RBFOX1: variants seen among roughly 807,000 people sequenced by gnomAD.
RBFOX1 encodes the protein RNA binding fox-1 homolog 1, also known as RNA binding protein fox-1 homolog 1.
Under a neutral mutation model 57.7 loss-of-function variants are expected in RBFOX1, and 8 were observed. That is an observed-to-expected ratio of 0.14 (90% CI 0.08 to 0.25). The LOEUF (loss-of-function observed/expected upper bound fraction) is 0.25. Among genes scored for constraint, RBFOX1 ranks in the 10% least tolerant of loss-of-function variants. The pLI, the probability that RBFOX1 is intolerant of heterozygous loss-of-function variation, is 1.00. For synonymous variants in RBFOX1, 326 were observed against 222.4 expected, an observed-to-expected ratio of 1.47 and a Z score of -4.15; for missense variants, 611 against 548.5, an observed-to-expected ratio of 1.11 and a Z score of -1.14.
At chr16:7,271,210 C>A (rs1230093981) in intron 4 of RBFOX1, among the ~76,000 whole-genome samples, 2 of 152,118 alleles carry the variant, frequency 1.3e-5, no homozygotes, top group African/African-American at 4.8e-5. Flanking sequence ...CTTGAGCATT[C>A]TGTCCCATGC....
intron 2 of RBFOX1, among the ~76,000 whole-genome samples, chr16:5,522,172 T>A (rs1344059653): frequency 6.6e-6 from 1 of 152,232 alleles, no homozygotes; most frequent in African/African-American, 2.4e-5. Flanking sequence ...TTTGAAGGGT[T>A]AAACCCATGG....
At chr16:6,568,525 G>T (rs1468074631) in intron 2 of RBFOX1, among the ~76,000 whole-genome samples, 1 of 152,126 alleles carries the variant, frequency 6.6e-6, no homozygotes, top group African/African-American at 2.4e-5. Flanking sequence ...CATCACTTCT[G>T]CCATGTTCCA....
At chr16:5,459,412 C>T (rs754485987) in intron 1 of RBFOX1, among the ~76,000 whole-genome samples, 1 of 152,120 alleles carries the variant, frequency 6.6e-6, no homozygotes, top group Non-Finnish European at 1.5e-5. Flanking sequence ...ACCCTTAGCA[C>T]TTTGCTAAAC....
chr16:5,245,721 C>A (rs1431517910), intron 1 of RBFOX1, among the ~76,000 whole-genome samples: 2 of 152,302 alleles, frequency 1.3e-5, no homozygotes, highest in East Asian at 3.9e-4. Flanking sequence ...CATGAGCCAC[C>A]ATGCCTGACC....
chr16:7,225,397 C>T (rs10852680), intron 4 of RBFOX1, among the ~76,000 whole-genome samples: 115,646 of 151,988 alleles, frequency 0.76, 44,742 homozygotes, highest in East Asian at 0.97. Flanking sequence ...GGGTTTCCCT[C>T]TACGGTTGGT....
intron 2 of RBFOX1, among the ~76,000 whole-genome samples, chr16:6,358,724 T>C (rs2087844483): frequency 6.6e-6 from 1 of 152,202 alleles, no homozygotes; most frequent in South Asian, 2.1e-4. Context: ...GAGGTGAAGC[T>C]GGAGTTTGGA....
At position 6,606,749 on chromosome 16, in the gene RBFOX1, G is replaced by A. The variant is rs145159757; in HGVS notation, c.-63-47854G>A. The stretch of plus-strand genomic sequence containing the variant: ...ATATGTACCACGTTTTCTTTATCTG[G>A]TCTATCATTGATGGGCATTTTGGTT... On this transcript the variant is annotated intron_variant, in intron 2 of 15. Transcript: ENST00000550418. 7.2e-4 allele frequency among the ~76,000 whole-genome samples: 110 copies of A among 152,146 alleles called. 1 individual carries two copies. The highest frequency in any genetic ancestry group is 2.5e-3 in the African/African-American group (102 of 41,488).
At chr16:5,598,981 T>C (rs1448736515) in exon 3 of RBFOX1, 11 of 1,515,128 alleles carry the variant, frequency 7.3e-6, no homozygotes, top group South Asian at 3.6e-5. Context: ...AGCATTTTGC[T>C]GAACAGATTA....
intron 3 of RBFOX1, among the ~76,000 whole-genome samples, chr16:5,774,534 C>T (rs879478060): frequency 2.0e-5 from 3 of 152,184 alleles, no homozygotes; most frequent in Non-Finnish European, 4.4e-5. Flanking sequence ...CTTCCTTCCA[C>T]ATATCCTAGT....
At chr16:6,143,767 C>T (rs2096736653) in intron 1 of RBFOX1, among the ~76,000 whole-genome samples, 1 of 151,912 alleles carries the variant, frequency 6.6e-6, no homozygotes, top group South Asian at 2.1e-4. Flanking sequence ...ACCTGTGCAC[C>T]TGATACTTTT....
In RBFOX1 at chr16:6,895,486, A is replaced by ATG. The variant is rs1231560510; in HGVS notation, c.-15-156570_-15-156569insGT. 6.3e-3 allele frequency among the ~76,000 whole-genome samples: 580 copies of ATG among 91,950 alleles called. 18 individuals carry two copies. Among genetic ancestry groups the ATG allele is most frequent in the East Asian group, 0.032 (83 of 2,582 alleles). 60.3% of individuals were successfully genotyped at this position (91,950 alleles called of 152,430 possible). A position where few individuals can be genotyped will look rare whatever the true frequency, so the allele number is the denominator to read the frequency against. The stretch of plus-strand genomic sequence containing the variant: ...TATATATATATATATATATATATAT[A>ATG]TTTATTCCCCTATTGGATAACAAGC... On this transcript the variant is annotated intron_variant, in intron 3 of 15. Transcript: ENST00000550418.
chr16:5,528,286 C>T (rs1033844029), intron 2 of RBFOX1, among the ~76,000 whole-genome samples: 3 of 152,058 alleles, frequency 2.0e-5, no homozygotes, highest in Admixed American at 6.6e-5. Context: ...AGTGTAGGAC[C>T]TGCAGATTTC....
chr16:6,910,707 T>C (rs574055983), intron 3 of RBFOX1, among the ~76,000 whole-genome samples: 24 of 152,304 alleles, frequency 1.6e-4, no homozygotes, highest in African/African-American at 5.5e-4. Context: ...GCAGTGTGAC[T>C]CTAAAGCAAC....
chr16:6,759,506 T>C (rs1437757061), intron 3 of RBFOX1, among the ~76,000 whole-genome samples: 1 of 151,066 alleles, frequency 6.6e-6, no homozygotes, highest in East Asian at 2.0e-4. Flanking sequence ...TGTGTGTGTG[T>C]GTGTGTGTGT....
At chr16:7,709,936 C>T (rs910389385) in intron 15 of RBFOX1, 6 of 1,027,304 alleles carry the variant, frequency 5.8e-6, no homozygotes, top group Middle Eastern at 4.7e-4. Context: ...AGTCCTTACC[C>T]TAAAAATGAA....
chr16:5,724,190 T>C (rs376527748), intron 3 of RBFOX1, among the ~76,000 whole-genome samples: 63 of 152,168 alleles, frequency 4.1e-4, no homozygotes, highest in Non-Finnish European at 7.6e-4. Flanking sequence ...TGGCAAGATA[T>C]TCTTTGGAGC....
chr16:5,670,897 C>T (rs1248955615), intron 3 of RBFOX1, among the ~76,000 whole-genome samples: 1 of 152,162 alleles, frequency 6.6e-6, no homozygotes, highest in Non-Finnish European at 1.5e-5. Context: ...AAGGTAGGTG[C>T]TATTATAAGC....
At position 6,787,264 on chromosome 16, in the gene RBFOX1, G is replaced by A. The variant is rs1242200131; in HGVS notation, c.-16+132614G>A. 1.2e-4 allele frequency among the ~76,000 whole-genome samples: 18 copies of A among 152,178 alleles called. No individual in the cohort carries two copies. The East Asian group carries it at 3.1e-3, about 26-fold the overall frequency. ...ATGCAGTTCCCTAACTGATCGGCCC[G>A]TTCTAGGCAGCATAATCTTAAGAGC... On this transcript the variant is annotated intron_variant, in intron 3 of 15. Transcript: ENST00000550418.
At chr16:7,015,572 C>T (rs1428295698) in intron 3 of RBFOX1, among the ~76,000 whole-genome samples, 2 of 152,120 alleles carry the variant, frequency 1.3e-5, no homozygotes, top group Non-Finnish European at 2.9e-5. Flanking sequence ...AGGTTGTTCA[C>T]ATTATTCTGA....
Sources: gnomAD v4.1 joint callset for allele counts (sites outside exome capture counted in the v4.1 genomes callset) on GRCh38, gnomAD v4.1.1 for gene constraint, MANE v1.5 for transcripts, NCBI Gene and HGNC (gene_info 2026-07-23, HGNC 2026-07-21) for gene names.